EFR3A: variants seen among roughly 807,000 people sequenced by gnomAD.
EFR3A encodes the protein EFR3 homolog A, also known as protein EFR3 homolog A.
A neutral mutation model predicts 104.4 loss-of-function variants in EFR3A; 76 were observed. That is an observed-to-expected ratio of 0.73 (90% CI 0.60 to 0.88). The LOEUF (loss-of-function observed/expected upper bound fraction) is 0.88, where lower values mean the gene tolerates loss of function less well. Among genes scored for constraint, EFR3A ranks in the 40% least tolerant of loss-of-function variants. The pLI, the probability that EFR3A is intolerant of heterozygous loss-of-function variation, is 0.00. For missense variants in EFR3A, 985 were observed against 1,012.5 expected (o/e 0.97, Z 0.37); for synonymous variants, 330 against 330.0 (o/e 1.00, Z 0.00).
chr8:132,010,987 A>G lies in EFR3A; in HGVS notation c.*92A>G. 1.5e-6 allele frequency: 2 copies of G among 1,357,836 alleles called. No homozygotes were observed. Among genetic ancestry groups the G allele is most frequent in the East Asian group, 2.6e-5 (1 of 38,690 alleles). The allele number at this position is 1,357,836 out of a possible 1,614,324, so 84.1% of individuals were successfully genotyped here. On this transcript the variant is annotated 3_prime_UTR_variant, in exon 23 of 23. Transcript: ENST00000254624. The stretch of plus-strand genomic sequence containing the variant: ...GGGTTTACTTAATGTGTATTAACAT[A>G]CTTCTTGAAAATAATGATGGAACAT...
intron 19 of EFR3A, among the ~76,000 whole-genome samples, chr8:132,001,409 T>C (rs1821774229): frequency 6.6e-6 from 1 of 152,238 alleles, no homozygotes; most frequent in Non-Finnish European, 1.5e-5. Context: ...CATTGTTTAC[T>C]TACAACACAG....
rs1349153414 is a variant in EFR3A at position 131,993,343 on chromosome 8, C to T, written c.2066-3063C>T. Among the ~76,000 whole-genome samples the T allele has an allele frequency of 2.6e-5, 4 of 152,134 alleles. No individual in the cohort carries two copies. The East Asian group carries it at 5.8e-4, about 22-fold the overall frequency. ...GGAGCTACCACTGTCTGGCACATTA[C>T]TCATACTGTATTGGCCAGGACTTGT... is the stretch of plus-strand genomic sequence containing the variant. On this transcript the variant is annotated intron_variant, in intron 18 of 22. Coordinates refer to ENST00000254624, the MANE Select transcript of EFR3A (RefSeq NM_015137.6).
rs3051318 is a variant in EFR3A at position 131,912,981 on chromosome 8, A to AT, written c.10+8678dup. Reference sequence around the variant, plus strand: ...ATGGAGCTTTCTTCCTATCACTTGTATTTTTTTTTTTTTTTTTTTGAAAGG... The same window carrying AT: ...ATGGAGCTTTCTTCCTATCACTTGTATTTTTTTTTTTTTTTTTTTTGAAAGG... On this transcript the variant is annotated intron_variant, in intron 1 of 22. Transcript: ENST00000254624. 1.5e-4 allele frequency among the ~76,000 whole-genome samples: 21 copies of AT among 141,362 alleles called. No homozygotes were observed. The South Asian group carries it at 1.6e-3, about 11-fold the overall frequency. 92.7% of individuals were successfully genotyped at this position (141,362 alleles called of 152,430 possible).
chr8:131,904,317 C>A lies in EFR3A; in HGVS notation c.5C>A (p.Pro2His). The A allele has an allele frequency of 7.9e-7, 1 of 1,259,890 alleles. No individual in the cohort carries two copies. Among genetic ancestry groups the A allele is most frequent in the Non-Finnish European group, 1.0e-6 (1 of 1,001,502 alleles). The allele number at this position is 1,259,890 out of a possible 1,614,324, so 78.0% of individuals were successfully genotyped here. A position where few individuals can be genotyped will look rare whatever the true frequency, so the allele number is the denominator to read the frequency against. The stretch of plus-strand genomic sequence containing the variant: ...GCGAGCGCGGTCGAGATCGCCATGC[C>A]TACCCGTGAGTGGCCGGCCGAGGGC... M[P>H]TRVCCCCSAL... The change falls in exon 1 of 23, where the codon CCT becomes CAT. Residue 2 changes from proline to histidine, a missense_variant. Pro to His is a moderately conservative substitution (Grantham distance 77). Transcript: ENST00000254624.
chr8:131,921,886 G>T (rs1344599879), intron 1 of EFR3A, among the ~76,000 whole-genome samples: 1 of 152,134 alleles, frequency 6.6e-6, no homozygotes, highest in Non-Finnish European at 1.5e-5. Flanking sequence ...GAATTTACTG[G>T]TGTACATGTT....
Position 131,904,185 on chromosome 8 carries a change from C to T in EFR3A, c.-128C>T. The T allele has an allele frequency of 9.3e-7, 1 of 1,072,478 alleles. No individual in the cohort carries two copies. The allele number at this position is 1,072,478 out of a possible 1,614,324, so 66.4% of individuals were successfully genotyped here. On this transcript the variant is annotated 5_prime_UTR_variant, in exon 1 of 23. Transcript: ENST00000254624. Reference sequence around the variant, plus strand: ...GCGGGGTCCGCGTCCGCTCCCTCCACCCTTCGCCCTTCGCCCTTCGCCTCG... The same window carrying T: ...GCGGGGTCCGCGTCCGCTCCCTCCATCCTTCGCCCTTCGCCCTTCGCCTCG...
intron 1 of EFR3A, among the ~76,000 whole-genome samples, chr8:131,920,592 G>A (rs1026382622): frequency 5.3e-5 from 8 of 152,054 alleles, no homozygotes; most frequent in Admixed American, 1.3e-4. Context: ...AGTTTTGTAC[G>A]TCTGGAGAGC....
rs545742010 is a variant in EFR3A, at chr8:131,970,775, C to A, written c.1159+132C>A. The A allele has an allele frequency of 2.0e-4, 166 of 842,494 alleles. No homozygotes were observed. The African/African-American group carries it at 2.7e-3, about 13-fold the overall frequency. 52.2% of individuals were successfully genotyped at this position (842,494 alleles called of 1,614,324 possible). On this transcript the variant is annotated intron_variant, in intron 10 of 22. Coordinates refer to ENST00000254624, the MANE Select transcript of EFR3A (RefSeq NM_015137.6). ...CTTAAATTTCTGAAAATTTAATTTT[C>A]GAAAACAAGCAAGCATGAGAATGGA...
chr8:131,940,604 CT>C (rs760516623), intron 2 of EFR3A, 29 bp downstream of exon 2: 1 of 1,586,434 alleles, frequency 6.3e-7, no homozygotes, highest in Non-Finnish European at 8.6e-7. Flanking sequence ...ACTGATCCTT[CT>C]CTTTGCTGAC....
intron 8 of EFR3A, among the ~76,000 whole-genome samples, chr8:131,967,839 A>T (rs1237099684): frequency 6.6e-6 from 1 of 152,096 alleles, no homozygotes; most frequent in African/African-American, 2.4e-5. Flanking sequence ...CATGTTAAAT[A>T]GTATTTATCT....
intron 1 of EFR3A, among the ~76,000 whole-genome samples, chr8:131,923,766 T>C (rs577403659): frequency 2.0e-5 from 3 of 152,204 alleles, no homozygotes; most frequent in Admixed American, 2.0e-4. Context: ...CTTAACCTTA[T>C]TTGCCAGTGC....
At position 131,959,651 on chromosome 8, in the gene EFR3A, G is replaced by A. The variant is rs1004026104; in HGVS notation, c.843G>A (p.Met281Ile). The A allele has an allele frequency of 5.0e-6, 8 of 1,610,428 alleles. No individual in the cohort carries two copies. The highest frequency in any genetic ancestry group is 6.8e-6 in the Non-Finnish European group (8 of 1,178,448). ...CAGTTCACTGCTTTAAAATTATAATGTATTCCATTCAGGTAAGGTTTGATT... is the reference window on the plus strand; with the variant it reads ...CAGTTCACTGCTTTAAAATTATAATATATTCCATTCAGGTAAGGTTTGATT... ...EFAVHCFKII[M>I]YSIQAQYSHH... The change falls in exon 8 of 23, where the codon ATG becomes ATA. Residue 281 changes from methionine to isoleucine, a missense_variant. By Grantham distance (10) the Met-to-Ile change is conservative. Coordinates refer to ENST00000254624, the MANE Select transcript of EFR3A (RefSeq NM_015137.6).
chr8:131,911,835 C>A (rs1013819688), intron 1 of EFR3A, among the ~76,000 whole-genome samples: 8 of 152,208 alleles, frequency 5.3e-5, no homozygotes, highest in African/African-American at 1.9e-4. Flanking sequence ...AGCATGCATT[C>A]TTTTCTTCTG....
chr8:131,943,367 T>G (rs181521115), intron 2 of EFR3A, among the ~76,000 whole-genome samples: 5 of 152,094 alleles, frequency 3.3e-5, no homozygotes, highest in African/African-American at 1.2e-4. Context: ...TCAATAAAAT[T>G]AGTAAGGGAT....
intron 19 of EFR3A, among the ~76,000 whole-genome samples, chr8:131,999,130 G>A (rs1821655123): frequency 6.6e-6 from 1 of 151,890 alleles, no homozygotes; most frequent in East Asian, 1.9e-4. Context: ...ATTATTTAAG[G>A]GCATGGGCAG....
intron 22 of EFR3A, among the ~76,000 whole-genome samples, chr8:132,005,113 CAGAT>C (rs1467399305): frequency 6.6e-6 from 1 of 152,138 alleles, no homozygotes; most frequent in Non-Finnish European, 1.5e-5. Flanking sequence ...CTCTAACAAA[CAGAT>C]AGTGATTATT....
Position 131,986,207 on chromosome 8 carries a change from G to T in EFR3A, c.1883G>T (p.Arg628Leu). The change falls in exon 17 of 23, where the codon CGA becomes CTA. Residue 628 changes from arginine (R) to leucine (L), a missense_variant. Physicochemically the swap from Arg to Leu is moderately radical, Grantham distance 102 (BLOSUM62 -2). Transcript: ENST00000254624. ...CQHVSKVIEI[R>L]TMEAPYFLPE... ...AATATTTTTTAGGTTATTGAAATTC[G>T]AACTATGGAAGCCCCTTATTTTCTA... 6.3e-7 allele frequency: 1 copy of T among 1,585,748 alleles called. No homozygotes were observed. The highest frequency in any genetic ancestry group is 1.1e-5 in the South Asian group (1 of 88,962).
intron 8 of EFR3A, among the ~76,000 whole-genome samples, chr8:131,962,903 G>A (rs1017656759): frequency 2.6e-5 from 4 of 152,184 alleles, no homozygotes; most frequent in African/African-American, 9.7e-5. Context: ...GTAGAACTCA[G>A]GATTAAGAAA....
chr8:131,909,831 T>C (rs1816426462), intron 1 of EFR3A, among the ~76,000 whole-genome samples: 1 of 152,218 alleles, frequency 6.6e-6, no homozygotes, highest in African/African-American at 2.4e-5. Context: ...TCTCTAGATA[T>C]TGCCAAATGT....
Sources: allele counts gnomAD v4.1 joint callset (sites outside exome capture counted in the v4.1 genomes callset), GRCh38; gene constraint gnomAD v4.1.1; transcripts MANE v1.5; gene names NCBI Gene and HGNC (gene_info 2026-07-23, HGNC 2026-07-21).